Variants in DIP2C observed in about 807,000 individuals in gnomAD.
The protein encoded by DIP2C is disco-interacting protein 2 homolog C.
In DIP2C, 33 loss-of-function variants were observed where a neutral mutation model predicts 192.4. That is an observed-to-expected ratio of 0.17 (90% CI 0.13 to 0.23). The LOEUF (loss-of-function observed/expected upper bound fraction) is 0.23. Ranked by LOEUF, DIP2C falls within the 10% of genes least tolerant of loss-of-function variation. DIP2C has a pLI of 1.00. For missense variants in DIP2C, 1,537 were observed against 2,110.1 expected, an observed-to-expected ratio of 0.73 and a Z score of 5.32; for synonymous variants, 979 against 864.1, an observed-to-expected ratio of 1.13 and a Z score of -2.33.
rs1854974985 is a variant in DIP2C, at chr10:638,773, A to G, written c.85+50721T>C. Among the ~76,000 whole-genome samples the G allele has an allele frequency of 2.0e-5, 3 of 152,212 alleles. No individual in the cohort carries two copies. The East Asian group carries it at 5.8e-4, about 29-fold the overall frequency. ...GCATTTATTCACCCAGGACACTAGA[A>G]GGCTGAAGTCTGCAGGGTGCACATA... On this transcript the variant is annotated intron_variant, in intron 1 of 36. Coordinates refer to ENST00000280886, the MANE Select transcript of DIP2C (RefSeq NM_014974.3).
intron 22 of DIP2C, among the ~76,000 whole-genome samples, chr10:359,823 G>A (rs1005195516): frequency 1.3e-5 from 2 of 152,142 alleles, no homozygotes; most frequent in Non-Finnish European, 2.9e-5. Context: ...ATCTGACTAT[G>A]TTGCCCAGGC....
chr10:581,027 T>C lies in DIP2C; in HGVS notation c.86-94497A>G, dbSNP rs534346387. 4.0e-5 allele frequency among the ~76,000 whole-genome samples: 6 copies of C among 151,736 alleles called. No homozygotes were observed. In the South Asian group the frequency reaches 1.2e-3, roughly 31 times the overall value. The stretch of plus-strand genomic sequence containing the variant: ...TCACAGTATTCTGGCAGATTATTCA[T>C]TTTCTGGTGAGAGAGACCAATGTCC... On this transcript the variant is annotated intron_variant, in intron 1 of 36. Transcript: ENST00000280886.
Position 364,546 on chromosome 10 carries a change from C to T in DIP2C, c.2305G>A (p.Glu769Lys), listed in dbSNP as rs1212207689. ...AAGCCTGTCCTTATGAATGGGTATTCACTGATCGGAGCCCCGGAGCTTGTC... is the reference window on the plus strand; with the variant it reads ...AAGCCTGTCCTTATGAATGGGTATTTACTGATCGGAGCCCCGGAGCTTGTC... ...PMTSSGAPIS[E>K]YPFIRTGLLG... is the part of the protein sequence containing the mutation. Residue 769 changes from glutamate (E) to lysine (K), a missense_variant, in exon 20 of 37, where the codon GAA becomes AAA. Coordinates refer to ENST00000280886, the MANE Select transcript of DIP2C (RefSeq NM_014974.3). The T allele has an allele frequency of 6.2e-7, 1 of 1,614,064 alleles. No individual in the cohort carries two copies. The highest frequency in any genetic ancestry group is 8.5e-7 in the Non-Finnish European group (1 of 1,180,044).
intron 22 of DIP2C, among the ~76,000 whole-genome samples, chr10:361,064 C>A (rs573229535): frequency 1.3e-5 from 2 of 152,152 alleles, no homozygotes; most frequent in Non-Finnish European, 2.9e-5. Flanking sequence ...TCAGCAGAGA[C>A]GTAGGGCCTC....
intron 4 of DIP2C, among the ~76,000 whole-genome samples, chr10:426,240 T>TC (rs1446563026): frequency 6.6e-6 from 1 of 152,174 alleles, no homozygotes; most frequent in Non-Finnish European, 1.5e-5. Context: ...ATAGTTCCAT[T>TC]CACAGTAACA....
intron 1 of DIP2C, among the ~76,000 whole-genome samples, chr10:520,441 A>T (rs1368661087): frequency 6.6e-6 from 1 of 152,248 alleles, no homozygotes; most frequent in Admixed American, 6.5e-5. Context: ...TCTGCATACA[A>T]AAAAAATTCT....
intron 17 of DIP2C, among the ~76,000 whole-genome samples, chr10:370,626 A>C: frequency 6.6e-6 from 1 of 152,270 alleles, no homozygotes; most frequent in East Asian, 1.9e-4. Flanking sequence ...GAATTTGCGA[A>C]CAAATAAGTT....
chr10:351,966 C>T lies in DIP2C; in HGVS notation c.2986-2512G>A, dbSNP rs557217696. On this transcript the variant is annotated intron_variant, in intron 24 of 36. Transcript: ENST00000280886. ...CAAGGAAAACCAGCACACCACCCAT[C>T]GCTGTGAGCATGGACGCGTCTCAGA... 7.9e-5 allele frequency among the ~76,000 whole-genome samples: 12 copies of T among 152,328 alleles called. No individual in the cohort carries two copies. In the South Asian group the frequency reaches 2.1e-3, roughly 26 times the overall value.
intron 1 of DIP2C, among the ~76,000 whole-genome samples, chr10:639,525 C>T (rs1226124160): frequency 1.3e-5 from 2 of 152,190 alleles, no homozygotes; most frequent in Non-Finnish European, 1.5e-5. Flanking sequence ...CAGTATCAGC[C>T]GCATATGCAC....
chr10:454,903 T>C (rs573545546), intron 3 of DIP2C, among the ~76,000 whole-genome samples: 78 of 152,190 alleles, frequency 5.1e-4, no homozygotes, highest in Admixed American at 3.7e-3. Context: ...ACTATGTATA[T>C]CCACAGCTTT....
At position 646,440 on chromosome 10, in the gene DIP2C, G is replaced by A. The variant is rs1293711752; in HGVS notation, c.85+43054C>T. On this transcript the variant is annotated intron_variant, in intron 1 of 36. Transcript: ENST00000280886. Reference sequence around the variant, plus strand: ...CCCATAGCCTGGAAACTGCAAAGCTGCCTGGCAGCAAGAGGGGACGGGTGG... The same window carrying A: ...CCCATAGCCTGGAAACTGCAAAGCTACCTGGCAGCAAGAGGGGACGGGTGG... 2.0e-5 allele frequency among the ~76,000 whole-genome samples: 3 copies of A among 152,182 alleles called. No individual in the cohort carries two copies. The East Asian group carries it at 5.8e-4, about 29-fold the overall frequency.
Position 417,726 on chromosome 10 carries a change from CTGCCTG to C in DIP2C, c.739+1333_739+1338del, listed in dbSNP as rs1230215717. Among the ~76,000 whole-genome samples the C allele has an allele frequency of 2.6e-4, 34 of 132,828 alleles. 3 individuals carry two copies. Among genetic ancestry groups the C allele is most frequent in the African/African-American group, 9.1e-4 (30 of 33,066 alleles). 87.1% of individuals were successfully genotyped at this position (132,828 alleles called of 152,430 possible). ...TGTCGGCTCAAATAGGCCTCCCTGTCTGCCTGCGCCTGTCAGGGCTCGGATAGGCAT... is the reference window on the plus strand; with the variant it reads ...TGTCGGCTCAAATAGGCCTCCCTGTCCGCCTGTCAGGGCTCGGATAGGCAT... On this transcript the variant is annotated intron_variant, in intron 6 of 36. Transcript: ENST00000280886.
intron 3 of DIP2C, among the ~76,000 whole-genome samples, chr10:460,458 C>T (rs1402628779): frequency 1.3e-5 from 2 of 152,100 alleles, no homozygotes; most frequent in East Asian, 3.9e-4. Context: ...GAATTCATTA[C>T]AAAGTAAGGT....
At chr10:603,938 G>A (rs866173457) in intron 1 of DIP2C, among the ~76,000 whole-genome samples, 33 of 56,216 alleles carry the variant, frequency 5.9e-4, no homozygotes, top group African/African-American at 2.2e-3. Context: ...CCTCCGGCCC[G>A]GCACCCCTCC....
intron 1 of DIP2C, among the ~76,000 whole-genome samples, chr10:648,463 C>T (rs180894705): frequency 5.3e-5 from 8 of 151,878 alleles, no homozygotes; most frequent in African/African-American, 1.9e-4. Flanking sequence ...ACTGAGTCCA[C>T]GTCCACATTT....
intron 1 of DIP2C, chr10:661,951 C>G (rs1856787557): frequency 2.9e-6 from 2 of 696,940 alleles, no homozygotes; most frequent in Non-Finnish European, 5.2e-6. Flanking sequence ...CTCTTCCCCT[C>G]CTGACCCAGG....
At chr10:674,520 A>T (rs922304210) in intron 1 of DIP2C, among the ~76,000 whole-genome samples, 1 of 151,992 alleles carries the variant, frequency 6.6e-6, no homozygotes, top group Non-Finnish European at 1.5e-5. Context: ...CTGTAATCCC[A>T]GCACTTTGGG....
intron 31 of DIP2C, among the ~76,000 whole-genome samples, chr10:311,934 C>T (rs929227032): frequency 7.9e-5 from 12 of 152,088 alleles, no homozygotes; most frequent in Admixed American, 2.6e-4. Context: ...CTGAGGGACG[C>T]GGGAGTGCAA....
chr10:484,050 T>TCC (rs905768959), intron 2 of DIP2C, among the ~76,000 whole-genome samples: 2 of 152,032 alleles, frequency 1.3e-5, no homozygotes, highest in African/African-American at 4.8e-5. Context: ...ACCTAAGCAA[T>TCC]CCCCTTCCTC....
Sources: allele counts gnomAD v4.1 joint callset (sites outside exome capture counted in the v4.1 genomes callset), GRCh38; gene constraint gnomAD v4.1.1; transcripts MANE v1.5; gene names NCBI Gene and HGNC (gene_info 2026-07-23, HGNC 2026-07-21).